The following ZNF106 variants were observed in gnomAD, a reference collection of about 807,000 sequenced individuals.
ZNF106 encodes SH3-domain binding protein 3.
In ZNF106, 67 loss-of-function variants were observed where a neutral mutation model predicts 195.1. That is an observed-to-expected ratio of 0.34 (90% CI 0.28 to 0.42). The LOEUF is 0.42. ZNF106 is among the 10% of genes least tolerant of loss of function. ZNF106 has a pLI of 1.00. For missense variants in ZNF106, 2,118 were observed against 2,304.5 expected (o/e 0.92, Z 1.66); for synonymous variants, 784 against 818.6 (o/e 0.96, Z 0.72).
Position 42,415,138 on chromosome 15 carries a change from T to TTTA in ZNF106, c.*2165_*2166insTAA. 1.7e-5 allele frequency: 3 copies of TTTA among 176,580 alleles called. No homozygotes were observed. Among genetic ancestry groups the TTTA allele is most frequent in the South Asian group, 1.1e-4 (1 of 8,714 alleles). The allele number at this position is 176,580 out of a possible 1,614,324, so 10.9% of individuals were successfully genotyped here. A position where few individuals can be genotyped will look rare whatever the true frequency, so the allele number is the denominator to read the frequency against. On this transcript the variant is annotated 3_prime_UTR_variant, in exon 22 of 22. Coordinates refer to ENST00000564754, the MANE Select transcript of ZNF106 (RefSeq NM_001366845.3). ...AGATTAACTCTTTTTTTTTTTTTTT[T>TTTA]GAGGTGGAGTTTCACTCTTGTCGCC...
chr15:42,424,076 A>T lies in ZNF106; in HGVS notation c.5191-16T>A. 1 of 1,609,284 alleles carries T rather than the reference A, an allele frequency of 6.2e-7. No individual in the cohort carries two copies. Among genetic ancestry groups the T allele is most frequent in the Non-Finnish European group, 8.5e-7 (1 of 1,178,342 alleles). ...CATTCACCACCTTAAAGAAAAAATT[A>T]AACAAGTCAGATTCTGTATACGGTT... On this transcript the variant is annotated splice_polypyrimidine_tract_variant and intron_variant, in intron 16 of 21. Coordinates refer to ENST00000564754, the MANE Select transcript of ZNF106 (RefSeq NM_001366845.3).
rs141373069 is a variant in ZNF106, at chr15:42,483,457, T to C, written c.-33+7523A>G. 9.7e-4 allele frequency among the ~76,000 whole-genome samples: 148 copies of C among 152,296 alleles called. 1 individual carries two copies. The highest frequency in any genetic ancestry group is 3.4e-3 in the African/African-American group (142 of 41,560). On this transcript the variant is annotated intron_variant, in intron 1 of 21. Transcript: ENST00000564754. ...TGCTGGGACCTGGGTGACTCCTGAATAGCAGCTGTTCATGAGGTGGCTCGG... is the reference window on the plus strand; with the variant it reads ...TGCTGGGACCTGGGTGACTCCTGAACAGCAGCTGTTCATGAGGTGGCTCGG...
At position 42,450,394 on chromosome 15, in the gene ZNF106, T is replaced by G; in HGVS notation, c.1878A>C (p.Lys626Asn). ...TAGTTGCAGAACCTAGGGTTCCAATTTTTGTTCCATGCTTTTCCGTGTCAG... is the reference window on the plus strand; with the variant it reads ...TAGTTGCAGAACCTAGGGTTCCAATGTTTGTTCCATGCTTTTCCGTGTCAG... ...ETSDTEKHGT[K>N]IGTLGSATTE... Residue 626 changes from lysine (K) to asparagine (N), a missense_variant, in exon 5 of 22, where the codon AAA (lysine) becomes AAC (asparagine). Coordinates refer to ENST00000564754, the MANE Select transcript of ZNF106 (RefSeq NM_001366845.3). The G allele has an allele frequency of 4.3e-6, 7 of 1,614,184 alleles. No homozygotes were observed. The highest frequency in any genetic ancestry group is 5.9e-6 in the Non-Finnish European group (7 of 1,180,032).
chr15:42,468,215 T>C (rs1191250406), intron 2 of ZNF106, among the ~76,000 whole-genome samples: 1 of 151,722 alleles, frequency 6.6e-6, no homozygotes, highest in Non-Finnish European at 1.5e-5. Context: ...TAGCCTCGAT[T>C]ACAGGCATGC....
chr15:42,442,241 G>A lies in ZNF106; in HGVS notation c.3595C>T (p.Leu1199Phe). 6.2e-7 allele frequency: 1 copy of A among 1,614,182 alleles called. No homozygotes were observed. The change falls in exon 10 of 22, where the codon CTT becomes TTT. Residue 1199 changes from leucine (L) to phenylalanine (F), a missense_variant. Coordinates refer to ENST00000564754, the MANE Select transcript of ZNF106 (RefSeq NM_001366845.3). ...HVSPSPTGAS[L>F]QITTSPTFQT... ...AAAGTAGGAGACGTGGTTATTTGAA[G>A]AGAGGCTCCGGTGGGTGATGGAGAC...
In ZNF106 at chr15:42,448,312, A is replaced by C. The variant is rs1204530556; in HGVS notation, c.2895T>G (p.Ser965=). ...AATGCATCAAAGGTATTATATGGTC[A>C]GAGGATAATTGTGCACTATGTCGCC... ...TQRRHSAQLS[S]DHIIPLMHLA... Residue 965 remains serine, a synonymous_variant, in exon 6 of 22, where the codon TCT becomes TCG. Transcript: ENST00000564754. The C allele has an allele frequency of 6.2e-7, 1 of 1,614,088 alleles. No individual in the cohort carries two copies. Among genetic ancestry groups the C allele is most frequent in the East Asian group, 2.2e-5 (1 of 44,898 alleles).
intron 20 of ZNF106, 90 bp from the exon 21 acceptor site, chr15:42,418,041 T>A: frequency 7.5e-7 from 1 of 1,339,066 alleles, no homozygotes; most frequent in Non-Finnish European, 9.9e-7. Flanking sequence ...ATAAGCACTA[T>A]GGAAGCAAAA....
At position 42,444,565 on chromosome 15, in the gene ZNF106, T is replaced by C. The variant is rs2055693861; in HGVS notation, c.3360+262A>G. 5.9e-5 allele frequency among the ~76,000 whole-genome samples: 9 copies of C among 152,360 alleles called. No individual in the cohort carries two copies. The South Asian group carries it at 1.9e-3, about 32-fold the overall frequency. On this transcript the variant is annotated intron_variant, in intron 8 of 21. Transcript: ENST00000564754. ...CCCGCCCCCTGGCTGTGGATATACC[T>C]AGGGAGAACACCCTTGTGGGGACTG...
chr15:42,472,744 G>C (rs1358907645), intron 1 of ZNF106, among the ~76,000 whole-genome samples: 2 of 152,130 alleles, frequency 1.3e-5, no homozygotes, highest in African/African-American at 4.8e-5. Flanking sequence ...AGGTGCAGGG[G>C]CTCACGCCTG....
In ZNF106 at chr15:42,446,626, C is replaced by T; in HGVS notation, c.3168G>A (p.Glu1056=). Residue 1056 remains glutamate, a synonymous_variant, in exon 7 of 22, where the codon GAG becomes GAA. Transcript: ENST00000564754. ...TAATTTTCCTTCTTTTATTTTTTCT[C>T]TCAAGACTTGGGAGTTCAGGAGAAG... ...DGSSPELPSL[E]RKNKRRKIKG... The T allele has an allele frequency of 6.2e-7, 1 of 1,604,280 alleles. No individual in the cohort carries two copies. Among genetic ancestry groups the T allele is most frequent in the Non-Finnish European group, 8.5e-7 (1 of 1,173,952 alleles).
intron 1 of ZNF106, among the ~76,000 whole-genome samples, chr15:42,481,285 A>G (rs1019721917): frequency 1.3e-5 from 2 of 151,440 alleles, no homozygotes; most frequent in Non-Finnish European, 2.9e-5. Flanking sequence ...CATTTCTTAT[A>G]GTGCAGATCT....
chr15:42,452,400 G>GT (rs1041014388), intron 4 of ZNF106, among the ~76,000 whole-genome samples: 30 of 152,002 alleles, frequency 2.0e-4, no homozygotes, highest in African/African-American at 7.2e-4. Context: ...GAGCACGCCT[G>GT]TAACCCCAGC....
Position 42,471,036 on chromosome 15 carries a change from T to C in ZNF106, c.54+1200A>G, listed in dbSNP as rs188049027. ...TCAGTCTGGCATCCAACACTGTTTATCAACTATCTTCACTTAATTACAAAT... is the reference window on the plus strand; with the variant it reads ...TCAGTCTGGCATCCAACACTGTTTACCAACTATCTTCACTTAATTACAAAT... On this transcript the variant is annotated intron_variant, in intron 2 of 21. Coordinates refer to ENST00000564754, the MANE Select transcript of ZNF106 (RefSeq NM_001366845.3). 2.4e-4 allele frequency among the ~76,000 whole-genome samples: 37 copies of C among 152,320 alleles called. No individual in the cohort carries two copies. The East Asian group carries it at 6.6e-3, about 27-fold the overall frequency.
At chr15:42,468,151 C>T (rs186076020) in intron 2 of ZNF106, among the ~76,000 whole-genome samples, 33 of 148,694 alleles carry the variant, frequency 2.2e-4, no homozygotes, top group Admixed American at 8.7e-4. Context: ...TCTCGGCTCA[C>T]GACAACCTCT....
Position 42,439,080 on chromosome 15 carries a change from G to A in ZNF106, c.4497C>T (p.Ser1499=). The A allele has an allele frequency of 6.2e-7, 1 of 1,614,182 alleles. No individual in the cohort carries two copies. Among genetic ancestry groups the A allele is most frequent in the Non-Finnish European group, 8.5e-7 (1 of 1,180,036 alleles). ...AGCGAGTGCCAATTTCACTGGTAGA[G>A]CTAACTTCATCACACCCAGAACGAG... ...ETSRSGCDEV[S]STSEIGTRYK... The change falls in exon 11 of 22, where the codon AGC becomes AGT. Residue 1499 remains serine (S), a synonymous_variant. Coordinates refer to ENST00000564754, the MANE Select transcript of ZNF106 (RefSeq NM_001366845.3).
intron 5 of ZNF106, 124 bp downstream of exon 5, chr15:42,449,647 T>G: frequency 7.7e-7 from 1 of 1,302,578 alleles, no homozygotes; most frequent in Non-Finnish European, 1.1e-6. Flanking sequence ...AATCAAGACA[T>G]CTACAACAGA....
rs2054641457 is a variant in ZNF106 at position 42,421,125 on chromosome 15, G to C, written c.5453C>G (p.Thr1818Ser). Residue 1818 changes from threonine to serine, a missense_variant, in exon 20 of 22, where the codon ACT becomes AGT. By Grantham distance (58) the Thr-to-Ser change is moderately conservative (BLOSUM62 1). Coordinates refer to ENST00000564754, the MANE Select transcript of ZNF106 (RefSeq NM_001366845.3). The stretch of plus-strand genomic sequence containing the variant: ...CTGAATACTGCCATCATAACAGCCA[G>C]TGTAAATCTGGAGAAAGAGAGGTTT... ...CMTIHKSMIY[T>S]GCYDGSIQAV... is the part of the protein sequence containing the mutation. The C allele has an allele frequency of 6.2e-7, 1 of 1,613,870 alleles. No homozygotes were observed. The highest frequency in any genetic ancestry group is 1.7e-5 in the Admixed American group (1 of 60,004).
Position 42,440,984 on chromosome 15 carries a change from A to AAG in ZNF106, c.3763+1088_3763+1089insCT, listed in dbSNP as rs2055483063. ...GGCAACAAAAAGCGAAACTCTGTCT[A>AAG]AAAAAAAAAAAAAAATATATATATA... is the stretch of plus-strand genomic sequence containing the variant. On this transcript the variant is annotated intron_variant, in intron 10 of 21. Transcript: ENST00000564754. Among the ~76,000 whole-genome samples the AAG allele has an allele frequency of 8.8e-5, 2 of 22,610 alleles. 1 individual carries two copies. The highest frequency in any genetic ancestry group is 9.8e-4 in the African/African-American group (2 of 2,038). The allele number at this position is 22,610 out of a possible 152,430, so 14.8% of individuals were successfully genotyped here.
At chr15:42,480,533 T>C (rs1161858893) in intron 1 of ZNF106, among the ~76,000 whole-genome samples, 1 of 152,244 alleles carries the variant, frequency 6.6e-6, no homozygotes, top group Non-Finnish European at 1.5e-5. Flanking sequence ...CTATTTTTGT[T>C]CAGTTATACC....
Sources: allele counts gnomAD v4.1 joint callset (sites outside exome capture counted in the v4.1 genomes callset), GRCh38; gene constraint gnomAD v4.1.1; transcripts MANE v1.5; gene names NCBI Gene and HGNC (gene_info 2026-07-23, HGNC 2026-07-21).